The following TJP1 variants were observed in gnomAD, a reference collection of about 807,000 sequenced individuals.
The protein encoded by TJP1 is tight junction protein ZO-1.
Under a neutral mutation model 194.2 loss-of-function variants are expected in TJP1, and 43 were observed. That is an observed-to-expected ratio of 0.22 (90% CI 0.17 to 0.29). TJP1 has a LOEUF of 0.29. TJP1 is among the 10% of genes least tolerant of loss of function. TJP1 has a pLI of 1.00. For synonymous variants in TJP1, 801 were observed against 779.0 expected, an observed-to-expected ratio of 1.03 and a Z score of -0.47; for missense variants, 1,971 against 2,185.7, an observed-to-expected ratio of 0.90 and a Z score of 1.96.
chr15:29,700,721 C>CAAAAAAAAAAAAAA lies in TJP1; in HGVS notation c.*860_*873dup, dbSNP rs11464931. On this transcript the variant is annotated 3_prime_UTR_variant, in exon 28 of 28. Coordinates refer to ENST00000614355, the MANE Select transcript of TJP1 (RefSeq NM_001330239.4). Reference sequence around the variant, plus strand: ...ACAGAAAACCACCACTGCCCCTTGTCAAAAAAAAAAAAAAAGAAAAGAAAA... The same window carrying CAAAAAAAAAAAAAA: ...ACAGAAAACCACCACTGCCCCTTGTCAAAAAAAAAAAAAAAAAAAAAAAAAAAAAGAAAAGAAAA... 1 of 140,818 alleles carries CAAAAAAAAAAAAAA rather than the reference C, an allele frequency of 7.1e-6. No homozygotes were observed. The highest frequency in any genetic ancestry group is 3.5e-5 in the African/African-American group (1 of 28,748). 8.7% of individuals were successfully genotyped at this position (140,818 alleles called of 1,614,324 possible). A position where few individuals can be genotyped will look rare whatever the true frequency, so the allele number is the denominator to read the frequency against.
chr15:29,874,071 C>A (rs1255419498), intron 2 of TJP1, among the ~76,000 whole-genome samples: 1 of 152,170 alleles, frequency 6.6e-6, no homozygotes, highest in African/African-American at 2.4e-5. Flanking sequence ...AGTTGCACAG[C>A]TTAGGGCTTA....
At chr15:29,898,841 C>T (rs910970300) in intron 2 of TJP1, among the ~76,000 whole-genome samples, 2 of 152,186 alleles carry the variant, frequency 1.3e-5, no homozygotes, top group African/African-American at 4.8e-5. Flanking sequence ...TGAAGAATTA[C>T]TCCCACCTTG....
chr15:29,949,234 T>C (rs1436298141), intron 2 of TJP1, among the ~76,000 whole-genome samples: 268 of 24,070 alleles, frequency 0.011, no homozygotes, highest in South Asian at 0.015. Context: ...TCACCACCAC[T>C]ACCTCCACCT....
chr15:29,766,570 G>A, intron 4 of TJP1, 28 bp from the exon 5 acceptor site: 1 of 1,519,874 alleles, frequency 6.6e-7, no homozygotes, highest in Non-Finnish European at 8.8e-7. Flanking sequence ...TAAAAAATAA[G>A]TTGACTGATT....
chr15:29,707,506 T>C (rs1432003361), intron 25 of TJP1, among the ~76,000 whole-genome samples: 1 of 152,172 alleles, frequency 6.6e-6, no homozygotes, highest in Non-Finnish European at 1.5e-5. Context: ...ATAACCATCC[T>C]TTCTCTTGGA....
intron 15 of TJP1, chr15:29,729,272 C>G (rs537245982): frequency 6.6e-6 from 1 of 152,192 alleles, no homozygotes; most frequent in South Asian, 2.1e-4. Context: ...TGCACTCCAA[C>G]CTGGGCAACA....
chr15:29,870,582 A>C (rs1023341365), intron 2 of TJP1, among the ~76,000 whole-genome samples: 6 of 152,206 alleles, frequency 3.9e-5, no homozygotes, highest in Non-Finnish European at 8.8e-5. Context: ...AATTCTCTGG[A>C]ATGAACACAG....
intron 2 of TJP1, among the ~76,000 whole-genome samples, chr15:29,828,484 A>C (rs2050740018): frequency 6.6e-6 from 1 of 152,172 alleles, no homozygotes; most frequent in Non-Finnish European, 1.5e-5. Context: ...TTCTGGATTA[A>C]AGAATATGCT....
At position 29,822,307 on chromosome 15, in the gene TJP1, C is replaced by T. The variant is rs2050450288; in HGVS notation, c.-279G>A. On this transcript the variant is annotated 5_prime_UTR_variant, in exon 1 of 28. Transcript: ENST00000614355. Reference sequence around the variant, plus strand: ...TCGGCCTCCCGCAGCTTTCGCAGCCCGGCCACGTCGGCCTCGCCCGGTCGC... The same window carrying T: ...TCGGCCTCCCGCAGCTTTCGCAGCCTGGCCACGTCGGCCTCGCCCGGTCGC... 3.6e-6 allele frequency: 4 copies of T among 1,111,900 alleles called. No individual in the cohort carries two copies. Among genetic ancestry groups the T allele is most frequent in the Middle Eastern group, 3.8e-4 (1 of 2,620 alleles). The allele number at this position is 1,111,900 out of a possible 1,614,324, so 68.9% of individuals were successfully genotyped here.
At chr15:29,764,073 G>A (rs749785937) in intron 5 of TJP1, among the ~76,000 whole-genome samples, 1 of 152,110 alleles carries the variant, frequency 6.6e-6, no homozygotes, top group South Asian at 2.1e-4. Context: ...CTAGGTACCA[G>A]GCATTAGGGA....
chr15:29,773,389 T>A, intron 2 of TJP1, 32 bp from the exon 3 acceptor site: 2 of 1,606,590 alleles, frequency 1.2e-6, no homozygotes, highest in Non-Finnish European at 8.5e-7. Context: ...AATATTGCTA[T>A]TAAGGACAAA....
intron 2 of TJP1, among the ~76,000 whole-genome samples, chr15:29,774,517 T>C (rs1340658063): frequency 1.3e-5 from 2 of 152,110 alleles, no homozygotes; most frequent in African/African-American, 4.8e-5. Flanking sequence ...GGTTAATAGA[T>C]TCTATTATTC....
chr15:29,773,373 CA>C lies in TJP1; in HGVS notation c.85-17del. On this transcript the variant is annotated splice_polypyrimidine_tract_variant and intron_variant, in intron 2 of 27. Coordinates refer to ENST00000614355, the MANE Select transcript of TJP1 (RefSeq NM_001330239.4). Reference sequence around the variant, plus strand: ...ATCCAGGAGCCTAAAGTAAAAATTACAGTAAAATATTGCTATTAAGGACAAA... The same window carrying C: ...ATCCAGGAGCCTAAAGTAAAAATTACGTAAAATATTGCTATTAAGGACAAA... The C allele has an allele frequency of 6.2e-7, 1 of 1,612,170 alleles. No homozygotes were observed.
At chr15:29,911,592 T>G (rs568234026) in intron 2 of TJP1, among the ~76,000 whole-genome samples, 189 of 150,646 alleles carry the variant, frequency 1.3e-3, no homozygotes, top group African/African-American at 4.5e-3. Flanking sequence ...AAGGGGGAGG[T>G]GCTACACACT....
intron 3 of TJP1, among the ~76,000 whole-genome samples, chr15:29,772,540 A>C (rs745800831): frequency 1.3e-5 from 2 of 152,078 alleles, no homozygotes; most frequent in Admixed American, 6.6e-5. Flanking sequence ...TTCTCTTTTA[A>C]TTCTTCTAAT....
At chr15:29,833,978 G>C (rs2152052328) in intron 2 of TJP1, among the ~76,000 whole-genome samples, 1 of 116,490 alleles carries the variant, frequency 8.6e-6, no homozygotes, top group East Asian at 2.7e-4. Flanking sequence ...CACCTCCCGG[G>C]TTCACGCCAT....
At chr15:29,767,598 T>C (rs1323673860) in intron 4 of TJP1, among the ~76,000 whole-genome samples, 1 of 152,152 alleles carries the variant, frequency 6.6e-6, no homozygotes, top group African/African-American at 2.4e-5. Flanking sequence ...TGTAAATTCA[T>C]TTTACAGAAG....
intron 8 of TJP1, among the ~76,000 whole-genome samples, chr15:29,749,145 G>GT (rs1162917193): frequency 2.2e-4 from 32 of 146,142 alleles, no homozygotes; most frequent in African/African-American, 8.1e-4. Context: ...ACGAGTTTCT[G>GT]TTGTTTTTTT....
intron 2 of TJP1, among the ~76,000 whole-genome samples, chr15:29,926,876 T>C (rs1326478815): frequency 6.6e-6 from 1 of 152,116 alleles, no homozygotes; most frequent in Non-Finnish European, 1.5e-5. Flanking sequence ...GAAATAAATG[T>C]TAAAAAGATA....
Sources: allele counts gnomAD v4.1 joint callset (sites outside exome capture counted in the v4.1 genomes callset), GRCh38; gene constraint gnomAD v4.1.1; transcripts MANE v1.5; gene names NCBI Gene and HGNC (gene_info 2026-07-23, HGNC 2026-07-21).